MAPK10: variants seen among roughly 807,000 people sequenced by gnomAD.
MAPK10 encodes JNK3 alpha protein kinase.
MAPK10 carries 25 observed loss-of-function variants against 59.3 expected under a neutral mutation model. The ratio of observed to expected loss-of-function variants is 0.42; its 90% CI spans 0.31 to 0.59. The LOEUF (loss-of-function observed/expected upper bound fraction) is 0.59. Among genes scored for constraint, MAPK10 ranks in the 20% least tolerant of loss-of-function variants. MAPK10 has a pLI of 0.15. For missense variants in MAPK10, 351 were observed against 568.9 expected, an observed-to-expected ratio of 0.62 and a Z score of 3.90; for synonymous variants, 190 against 200.5, an observed-to-expected ratio of 0.95 and a Z score of 0.44.
chr4:86,041,219 C>G (rs2041454281), intron 11 of MAPK10, among the ~76,000 whole-genome samples: 1 of 152,140 alleles, frequency 6.6e-6, no homozygotes, highest in African/African-American at 2.4e-5. Context: ...CTGACAAAAA[C>G]AAGCAATGGG....
intron 2 of MAPK10, among the ~76,000 whole-genome samples, chr4:86,295,906 T>A (rs547829465): frequency 3.3e-5 from 5 of 151,612 alleles, no homozygotes; most frequent in Non-Finnish European, 7.4e-5. Context: ...CCGGGCACAG[T>A]GGCTCATGCC....
upstream of MAPK10, among the ~76,000 whole-genome samples, chr4:86,456,100 T>C (rs1265025972): frequency 2.0e-5 from 3 of 152,156 alleles, no homozygotes; most frequent in East Asian, 5.8e-4. Flanking sequence ...TAAAAATTCT[T>C]CAAACTGAAT....
chr4:86,329,390 A>G (rs989356464), intron 2 of MAPK10, among the ~76,000 whole-genome samples: 1 of 152,072 alleles, frequency 6.6e-6, no homozygotes. Context: ...ACCCTTTTTT[A>G]TATTTTTATT....
At chr4:86,281,037 T>G (rs2094781417) in intron 2 of MAPK10, among the ~76,000 whole-genome samples, 1 of 151,974 alleles carries the variant, frequency 6.6e-6, no homozygotes, top group Admixed American at 6.6e-5. Context: ...ACCCCAAACC[T>G]CAGCATATAC....
chr4:86,058,225 G>A (rs571478630), intron 11 of MAPK10, among the ~76,000 whole-genome samples: 4 of 149,782 alleles, frequency 2.7e-5, no homozygotes, highest in African/African-American at 1.0e-4. Flanking sequence ...CCTCTCCAGA[G>A]GAATTGTGCT....
intron 2 of MAPK10, among the ~76,000 whole-genome samples, chr4:86,227,501 G>C (rs146207062): frequency 1.5e-5 from 2 of 137,448 alleles, no homozygotes; most frequent in Non-Finnish European, 3.2e-5. Flanking sequence ...AAAAAAAAAA[G>C]AAAGAAAAGA....
Position 86,176,815 on chromosome 4 carries a change from T to A in MAPK10, c.67-17348A>T, listed in dbSNP as rs1006423704. 5.3e-5 allele frequency among the ~76,000 whole-genome samples: 8 copies of A among 152,238 alleles called. No homozygotes were observed. The South Asian group carries it at 1.7e-3, about 32-fold the overall frequency. ...CCGTTATCATGACAGTACAGAAATC[T>A]CTGTGATTTATTTCAACATACAAGA... On this transcript the variant is annotated intron_variant, in intron 3 of 13. Transcript: ENST00000641462.
rs775895019 is a variant in MAPK10 at position 86,014,301 on chromosome 4, GGGGTGTGTGTGTGTGTGT to G, written c.*2909_*2926del. ...ACAGGTGACTATTTAAGAAATATTTGGGGTGTGTGTGTGTGTGTGTGTGTGTGTGTGTGTGTGTGTGTG... is the reference window on the plus strand; with the variant it reads ...ACAGGTGACTATTTAAGAAATATTTGGTGTGTGTGTGTGTGTGTGTGTGTG... On this transcript the variant is annotated 3_prime_UTR_variant, in exon 14 of 14. Coordinates refer to ENST00000641462, the MANE Select transcript of MAPK10 (RefSeq NM_138982.4). 1.9e-5 allele frequency: 2 copies of G among 103,460 alleles called. No homozygotes were observed. The highest frequency in any genetic ancestry group is 8.2e-5 in the African/African-American group (2 of 24,370). The allele number at this position is 103,460 out of a possible 1,614,324, so 6.4% of individuals were successfully genotyped here.
At chr4:86,301,344 T>C (rs1013013608) in intron 2 of MAPK10, among the ~76,000 whole-genome samples, 8 of 151,622 alleles carry the variant, frequency 5.3e-5, no homozygotes, top group African/African-American at 9.7e-5. Context: ...CTGCAGGGGA[T>C]GGCCAAGCCA....
At chr4:86,156,359 C>A (rs1301482282) in intron 4 of MAPK10, among the ~76,000 whole-genome samples, 1 of 151,828 alleles carries the variant, frequency 6.6e-6, no homozygotes, top group Non-Finnish European at 1.5e-5. Flanking sequence ...TTTTACAATT[C>A]TATGATTTTA....
At chr4:86,068,942 A>G (rs557241527) in intron 9 of MAPK10, among the ~76,000 whole-genome samples, 3 of 152,274 alleles carry the variant, frequency 2.0e-5, no homozygotes, top group Admixed American at 1.3e-4. Flanking sequence ...GATCTTGGAA[A>G]TTCCCTTAAA....
intron 1 of MAPK10, among the ~76,000 whole-genome samples, chr4:86,414,722 G>A (rs1026984782): frequency 3.3e-5 from 5 of 151,952 alleles, no homozygotes; most frequent in Non-Finnish European, 5.9e-5. Flanking sequence ...AACTTAAATA[G>A]ACCCCAGATA....
At chr4:86,027,271 C>T (rs1750806489) in intron 13 of MAPK10, 1 of 152,218 alleles carries the variant, frequency 6.6e-6, no homozygotes, top group East Asian at 1.9e-4. Context: ...ATATGTATTA[C>T]ATAGATAATT....
At chr4:86,397,764 A>C (rs1743129874) in intron 1 of MAPK10, among the ~76,000 whole-genome samples, 1 of 146,908 alleles carries the variant, frequency 6.8e-6, no homozygotes, top group Non-Finnish European at 1.5e-5. Context: ...ATTCAAATTT[A>C]TTCTGATATC....
chr4:86,376,672 C>A (rs1739862906), intron 1 of MAPK10, among the ~76,000 whole-genome samples: 1 of 152,138 alleles, frequency 6.6e-6, no homozygotes, highest in African/African-American at 2.4e-5. Context: ...TAATCATATC[C>A]ATTCTATGAT....
intron 3 of MAPK10, among the ~76,000 whole-genome samples, chr4:86,162,684 C>G (rs185768421): frequency 6.6e-6 from 1 of 152,034 alleles, no homozygotes; most frequent in South Asian, 2.1e-4. Flanking sequence ...ACAGTAGCAA[C>G]TAACCACCTG....
At chr4:86,385,690 G>C (rs1741364305) in intron 1 of MAPK10, among the ~76,000 whole-genome samples, 1 of 152,124 alleles carries the variant, frequency 6.6e-6, no homozygotes, top group Non-Finnish European at 1.5e-5. Context: ...GAATGAATAC[G>C]ATTAGCTCCC....
chr4:86,290,279 T>C (rs1231942890), intron 2 of MAPK10, among the ~76,000 whole-genome samples: 1 of 152,234 alleles, frequency 6.6e-6, no homozygotes, highest in Non-Finnish European at 1.5e-5. Context: ...AGTGATCTAC[T>C]GTGACAAGAG....
chr4:86,435,034 C>G (rs1284537561), intron 1 of MAPK10, among the ~76,000 whole-genome samples: 1 of 152,044 alleles, frequency 6.6e-6, no homozygotes, highest in Non-Finnish European at 1.5e-5. Flanking sequence ...GTGAAATAAG[C>G]CAACCACAGA....
Sources: allele counts gnomAD v4.1 joint callset (sites outside exome capture counted in the v4.1 genomes callset), GRCh38; gene constraint gnomAD v4.1.1; transcripts MANE v1.5; gene names NCBI Gene and HGNC (gene_info 2026-07-23, HGNC 2026-07-21).